The following TTC39C variants were observed in gnomAD, a reference collection of about 807,000 sequenced individuals.
TTC39C encodes the protein tetratricopeptide repeat domain 39C, also known as tetratricopeptide repeat protein 39C.
A neutral mutation model predicts 76.3 loss-of-function variants in TTC39C; 33 were observed. That is an observed-to-expected ratio of 0.43 (90% CI 0.33 to 0.58). The LOEUF (loss-of-function observed/expected upper bound fraction) is 0.58, where lower values mean the gene tolerates loss of function less well. Ranked by LOEUF, TTC39C falls within the 20% of genes least tolerant of loss-of-function variation. The pLI is 0.04. For synonymous variants in TTC39C, 254 were observed against 260.6 expected, an observed-to-expected ratio of 0.97 and a Z score of 0.24; for missense variants, 595 against 701.4, an observed-to-expected ratio of 0.85 and a Z score of 1.71.
upstream of TTC39C, among the ~76,000 whole-genome samples, chr18:24,012,699 G>T (rs1240282700): frequency 5.9e-5 from 9 of 152,150 alleles, no homozygotes; most frequent in African/African-American, 1.9e-4. Flanking sequence ...TGGTTCCACA[G>T]ATCCAAAGTT....
At chr18:24,099,949 G>A (rs1016283441) in intron 6 of TTC39C, among the ~76,000 whole-genome samples, 2 of 151,932 alleles carry the variant, frequency 1.3e-5, no homozygotes, top group Non-Finnish European at 2.9e-5. Flanking sequence ...AGACTAATTT[G>A]TGTTTTCTTA....
chr18:24,051,896 G>T (rs1599276298), intron 1 of TTC39C, among the ~76,000 whole-genome samples: 1 of 152,146 alleles, frequency 6.6e-6, no homozygotes, highest in Admixed American at 6.5e-5. Flanking sequence ...GCATGTACTG[G>T]GGACCTGTTA....
At position 24,130,372 on chromosome 18, in the gene TTC39C, G is replaced by T; in HGVS notation, c.1578G>T (p.Pro526=). 6.3e-7 allele frequency: 1 copy of T among 1,586,612 alleles called. No individual in the cohort carries two copies. The change falls in exon 12 of 14, where the codon CCG becomes CCT. Residue 526 remains proline, a synonymous_variant. Coordinates refer to ENST00000317571, the MANE Select transcript of TTC39C (RefSeq NM_001135993.2). ...LCRQNNLYVQ[P]YACYELGCLL... Reference sequence around the variant, plus strand: ...GTCAGAATAACTTATATGTTCAGCCGTATGCCTGTTATGAACTTGGCTGTC... The same window carrying T: ...GTCAGAATAACTTATATGTTCAGCCTTATGCCTGTTATGAACTTGGCTGTC...
chr18:24,097,435 A>G (rs112794971), intron 6 of TTC39C, among the ~76,000 whole-genome samples: 1 of 152,144 alleles, frequency 6.6e-6, no homozygotes, highest in Non-Finnish European at 1.5e-5. Context: ...CCACTTATTT[A>G]CAATTTCCAT....
In TTC39C at chr18:24,003,490, A is replaced by G. The variant is rs774202310; in HGVS notation, c.-17+10452A>G. Among the ~76,000 whole-genome samples, 57 of 152,334 alleles carry G rather than the reference A, an allele frequency of 3.7e-4. 2 individuals carry two copies. The highest frequency in any genetic ancestry group is 3.4e-3 in the Middle Eastern group (1 of 294). ...GTGGCTGGCACATAGTAGGTCCTCA[A>G]AAAAGATCCTGTTGAACTGAACTGG... On this transcript the variant is annotated intron_variant, in intron 1 of 13. Transcript: ENST00000304621.
intron 1 of TTC39C, chr18:24,016,533 C>G (rs1374700175): frequency 2.5e-6 from 1 of 394,770 alleles, no homozygotes; most frequent in Non-Finnish European, 4.5e-6. Flanking sequence ...GTACTTCTTG[C>G]TTTGAAGTCT....
intron 1 of TTC39C, among the ~76,000 whole-genome samples, chr18:24,022,397 TAGAC>T (rs2083527758): frequency 6.6e-6 from 1 of 152,054 alleles, no homozygotes; most frequent in South Asian, 2.1e-4. Context: ...TTATCTCCCT[TAGAC>T]AGAGGGAGGA....
chr18:24,079,739 G>A (rs2084352889), intron 4 of TTC39C, among the ~76,000 whole-genome samples: 1 of 148,476 alleles, frequency 6.7e-6, no homozygotes, highest in East Asian at 2.0e-4. Flanking sequence ...AGTCTTTTTT[G>A]CCTGCTTATT....
chr18:24,056,987 T>G (rs1478599382), intron 1 of TTC39C, among the ~76,000 whole-genome samples: 1 of 152,178 alleles, frequency 6.6e-6, no homozygotes, highest in Non-Finnish European at 1.5e-5. Context: ...CTGGCCTTGT[T>G]TTTTAACTTT....
At chr18:24,019,472 A>C (rs1259341482) in intron 1 of TTC39C, among the ~76,000 whole-genome samples, 1 of 152,228 alleles carries the variant, frequency 6.6e-6, no homozygotes, top group Non-Finnish European at 1.5e-5. Context: ...AAAATGTATT[A>C]AAAAGCAAGA....
intron 6 of TTC39C, among the ~76,000 whole-genome samples, chr18:24,091,922 T>C (rs973545815): frequency 6.6e-6 from 1 of 151,028 alleles, no homozygotes; most frequent in Non-Finnish European, 1.5e-5. Context: ...ACCCTGTCTC[T>C]ACTAAAAAAA....
intron 4 of TTC39C, among the ~76,000 whole-genome samples, chr18:24,077,903 G>A (rs1289607762): frequency 6.6e-6 from 1 of 152,172 alleles, no homozygotes; most frequent in East Asian, 1.9e-4. Flanking sequence ...TATAAAAGAA[G>A]CTTCAAGGTT....
chr18:24,001,821 C>CTTTTTTT, intron 1 of TTC39C, among the ~76,000 whole-genome samples: 1 of 33,574 alleles, frequency 3.0e-5, no homozygotes, highest in South Asian at 1.4e-3. Flanking sequence ...TACGGTAATT[C>CTTTTTTT]TGTTTTTTTT....
intron 10 of TTC39C, among the ~76,000 whole-genome samples, chr18:24,126,795 G>A (rs1046182802): frequency 1.3e-5 from 2 of 152,060 alleles, no homozygotes; most frequent in African/African-American, 4.8e-5. Flanking sequence ...TTACAGGCGT[G>A]TGCTACTGCA....
chr18:24,065,960 T>G, intron 2 of TTC39C, 52 bp from the exon 3 acceptor site: 3 of 1,491,200 alleles, frequency 2.0e-6, no homozygotes, highest in Non-Finnish European at 2.7e-6. Flanking sequence ...TAAGTTGGCT[T>G]AAATTTTCAG....
intron 1 of TTC39C, among the ~76,000 whole-genome samples, chr18:24,023,992 A>T (rs558329795): frequency 4.6e-4 from 2 of 4,334 alleles, no homozygotes; most frequent in East Asian, 7.7e-3. Context: ...ATATATATAT[A>T]TATATATATA....
chr18:24,062,016 C>A (rs930852392), intron 1 of TTC39C, among the ~76,000 whole-genome samples: 1 of 152,160 alleles, frequency 6.6e-6, no homozygotes, highest in African/African-American at 2.4e-5. Flanking sequence ...TTGTCACGTG[C>A]CCGATGCACC....
chr18:24,038,888 A>G (rs1452684549), intron 1 of TTC39C, among the ~76,000 whole-genome samples: 1 of 152,090 alleles, frequency 6.6e-6, no homozygotes, highest in Non-Finnish European at 1.5e-5. Flanking sequence ...TCCCCTTCTT[A>G]TAAAGCCACC....
At chr18:24,120,767 A>G (rs920233810) in intron 8 of TTC39C, among the ~76,000 whole-genome samples, 1 of 152,030 alleles carries the variant, frequency 6.6e-6, no homozygotes, top group African/African-American at 2.4e-5. Context: ...TATTCTACCT[A>G]CCTTGTGTAT....
Sources: gnomAD v4.1 joint callset for allele counts (sites outside exome capture counted in the v4.1 genomes callset) on GRCh38, gnomAD v4.1.1 for gene constraint, MANE v1.5 for transcripts, NCBI Gene and HGNC (gene_info 2026-07-23, HGNC 2026-07-21) for gene names.